The following DAB1 variants were observed in gnomAD, a reference collection of about 807,000 sequenced individuals.
The protein encoded by DAB1 is disabled homolog 1.
DAB1 carries 15 observed loss-of-function variants against 64.6 expected under a neutral mutation model. The ratio of observed to expected loss-of-function variants is 0.23; its 90% confidence interval spans 0.16 to 0.36. The LOEUF (loss-of-function observed/expected upper bound fraction) is 0.36. DAB1 is among the 10% of genes least tolerant of loss of function. The pLI is 1.00. For synonymous variants in DAB1, 235 were observed against 251.9 expected, an observed-to-expected ratio of 0.93 and a Z score of 0.64; for missense variants, 596 against 706.7, an observed-to-expected ratio of 0.84 and a Z score of 1.78.
intron 3 of DAB1, among the ~76,000 whole-genome samples, chr1:58,454,064 G>A (rs1217183193): frequency 6.6e-6 from 1 of 152,114 alleles, no homozygotes; most frequent in Non-Finnish European, 1.5e-5. Context: ...ACCAAATCTT[G>A]GAGAGAAATA....
chr1:57,081,525 G>A (rs1281602515), intron 4 of DAB1, among the ~76,000 whole-genome samples: 1 of 152,010 alleles, frequency 6.6e-6, no homozygotes, highest in African/African-American at 2.4e-5. Flanking sequence ...TGAGAACCTG[G>A]ATTCTCTCAG....
At chr1:58,414,819 GCTTA>G (rs1272654569) in intron 3 of DAB1, among the ~76,000 whole-genome samples, 1 of 151,956 alleles carries the variant, frequency 6.6e-6, no homozygotes, top group Non-Finnish European at 1.5e-5. Context: ...TTAATTCTAA[GCTTA>G]CTTGCTATTC....
intron 7 of DAB1, among the ~76,000 whole-genome samples, chr1:57,577,597 T>C (rs1428886104): frequency 6.6e-6 from 1 of 152,190 alleles, no homozygotes; most frequent in Non-Finnish European, 1.5e-5. Flanking sequence ...AACACTTTCC[T>C]AAGGCCACAT....
chr1:58,420,174 T>G (rs936942597), intron 3 of DAB1, among the ~76,000 whole-genome samples: 2 of 152,226 alleles, frequency 1.3e-5, no homozygotes, highest in African/African-American at 4.8e-5. Context: ...ATTTTGTTGT[T>G]GTTGTTGTTA....
At chr1:58,248,904 G>T (rs995777996) in intron 4 of DAB1, among the ~76,000 whole-genome samples, 7 of 152,138 alleles carry the variant, frequency 4.6e-5, no homozygotes, top group Non-Finnish European at 7.3e-5. Flanking sequence ...CAGGGGAATT[G>T]TGCATTCTCG....
At chr1:57,171,483 C>T (rs1269764367) in intron 2 of DAB1, among the ~76,000 whole-genome samples, 1 of 150,550 alleles carries the variant, frequency 6.6e-6, no homozygotes, top group Non-Finnish European at 1.5e-5. Flanking sequence ...TCCTCTTTTC[C>T]CAACTATCTG....
At chr1:58,143,209 T>C (rs1654383961) in intron 5 of DAB1, among the ~76,000 whole-genome samples, 1 of 152,110 alleles carries the variant, frequency 6.6e-6, no homozygotes, top group African/African-American at 2.4e-5. Flanking sequence ...AAGTCCTCAA[T>C]AAATGCTTTA....
At chr1:58,071,822 C>T (rs563963876) in intron 5 of DAB1, among the ~76,000 whole-genome samples, 3 of 152,088 alleles carry the variant, frequency 2.0e-5, no homozygotes, top group Non-Finnish European at 4.4e-5. Flanking sequence ...TTCTAATTGA[C>T]AATTGATTAA....
chr1:57,892,488 A>G (rs1407624331), intron 5 of DAB1, among the ~76,000 whole-genome samples: 1 of 152,198 alleles, frequency 6.6e-6, no homozygotes, highest in Non-Finnish European at 1.5e-5. Context: ...CACTATTAAT[A>G]TTATTTTCAA....
intron 6 of DAB1, among the ~76,000 whole-genome samples, chr1:57,772,781 G>A (rs1649619455): frequency 1.3e-5 from 2 of 151,992 alleles, no homozygotes; most frequent in African/African-American, 4.8e-5. Flanking sequence ...TCTGTTATGA[G>A]TTGAATTGTG....
chr1:57,887,225 T>C (rs1223778312), upstream of DAB1, among the ~76,000 whole-genome samples: 1 of 152,180 alleles, frequency 6.6e-6, no homozygotes, highest in Non-Finnish European at 1.5e-5. Flanking sequence ...CCCAGTTGTT[T>C]TGTACCACTC....
chr1:58,193,850 C>T (rs1570469053), intron 4 of DAB1, among the ~76,000 whole-genome samples: 1 of 151,228 alleles, frequency 6.6e-6, no homozygotes, highest in East Asian at 1.9e-4. Context: ...AAGCAAAACT[C>T]TGTCTAAAAA....
chr1:58,538,651 G>A (rs549204629), intron 1 of DAB1: 1 of 491,440 alleles, frequency 2.0e-6, no homozygotes, highest in Admixed American at 3.8e-5. Context: ...GAGCTAAATG[G>A]GGGGAGACAG....
At chr1:57,210,003 A>C (rs1363718662) in intron 2 of DAB1, among the ~76,000 whole-genome samples, 1 of 152,220 alleles carries the variant, frequency 6.6e-6, no homozygotes, top group African/African-American at 2.4e-5. Context: ...GTGTGACCTT[A>C]CTTAGCCAAA....
At chr1:57,915,178 G>A (rs1215212843) in intron 5 of DAB1, among the ~76,000 whole-genome samples, 3 of 145,640 alleles carry the variant, frequency 2.1e-5, no homozygotes, top group Non-Finnish European at 3.0e-5. Context: ...AGGAAAAAAA[G>A]AACTGGAAAG....
intron 2 of DAB1, among the ~76,000 whole-genome samples, chr1:57,181,987 G>C (rs918610420): frequency 6.6e-6 from 1 of 152,232 alleles, no homozygotes; most frequent in Non-Finnish European, 1.5e-5. Flanking sequence ...CTGGGTTCAA[G>C]TGATACTCCT....
intron 7 of DAB1, among the ~76,000 whole-genome samples, chr1:57,600,261 G>C (rs1645561418): frequency 6.6e-6 from 1 of 152,096 alleles, no homozygotes; most frequent in Non-Finnish European, 1.5e-5. Flanking sequence ...ACATTCCAAG[G>C]CTTGGTACAG....
chr1:58,506,142 C>T (rs201084913), exon 3 of DAB1: 20 of 871,660 alleles, frequency 2.3e-5, no homozygotes, highest in Admixed American at 1.7e-4. Flanking sequence ...CTTGGGTTGG[C>T]CATGCAGGCT....
At chr1:57,534,638 C>G (rs537183358) in intron 7 of DAB1, among the ~76,000 whole-genome samples, 26 of 152,152 alleles carry the variant, frequency 1.7e-4, no homozygotes, top group Non-Finnish European at 3.4e-4. Flanking sequence ...GGTCTTGGCT[C>G]TAAGAACAGG....
Sources: gnomAD v4.1 joint callset for allele counts (sites outside exome capture counted in the v4.1 genomes callset) on GRCh38, gnomAD v4.1.1 for gene constraint, MANE v1.5 for transcripts, NCBI Gene and HGNC (gene_info 2026-07-23, HGNC 2026-07-21) for gene names.